CTNNA2: variants seen among roughly 807,000 people sequenced by gnomAD.
CTNNA2 encodes the protein catenin alpha-2.
A neutral mutation model predicts 101.0 loss-of-function variants in CTNNA2; 42 were observed. That is an observed-to-expected ratio of 0.42 (90% confidence interval 0.32 to 0.54). The LOEUF is 0.54. Ranked by LOEUF, CTNNA2 falls within the 20% of genes least tolerant of loss-of-function variation. The probability of loss-of-function intolerance (pLI) is 0.14; values close to 1 mark genes in which losing one functional copy is unlikely to be tolerated. For missense variants in CTNNA2, 871 were observed against 1,223.1 expected, an observed-to-expected ratio of 0.71 and a Z score of 4.29; for synonymous variants, 450 against 456.4, an observed-to-expected ratio of 0.99 and a Z score of 0.18.
intron 2 of CTNNA2, among the ~76,000 whole-genome samples, chr2:79,220,814 A>G (rs1169099051): frequency 6.6e-6 from 1 of 152,176 alleles, no homozygotes; most frequent in Admixed American, 6.5e-5. Flanking sequence ...TTAAAGCTTC[A>G]CCTGAGAGCT....
intron 3 of CTNNA2, chr2:79,312,931 C>G (rs539404473): frequency 2.6e-5 from 4 of 152,316 alleles, no homozygotes; most frequent in Admixed American, 6.5e-5. Flanking sequence ...CTGCTTAACG[C>G]CCCGTATACA....
chr2:79,621,642 G>A (rs1416738797), intron 1 of CTNNA2, among the ~76,000 whole-genome samples: 3 of 152,138 alleles, frequency 2.0e-5, no homozygotes, highest in East Asian at 1.9e-4. Flanking sequence ...CCCATGCAGA[G>A]TAATTTCAAA....
intron 7 of CTNNA2, among the ~76,000 whole-genome samples, chr2:80,094,088 T>C (rs1699981514): frequency 6.6e-6 from 1 of 152,262 alleles, no homozygotes. Context: ...CCCATGCCTA[T>C]GTTCTGAATG....
intron 2 of CTNNA2, among the ~76,000 whole-genome samples, chr2:79,211,335 A>T (rs1307246821): frequency 6.6e-6 from 1 of 152,192 alleles, no homozygotes; most frequent in African/African-American, 2.4e-5. Flanking sequence ...CAAGACAACA[A>T]GGGAAACTTT....
chr2:79,792,348 AAC>A (rs1477499328), intron 3 of CTNNA2, among the ~76,000 whole-genome samples: 2 of 152,186 alleles, frequency 1.3e-5, no homozygotes, highest in Admixed American at 6.5e-5. Flanking sequence ...ATCCATAAAA[AAC>A]AGTGTTTCTC....
intron 3 of CTNNA2, among the ~76,000 whole-genome samples, chr2:79,331,142 C>G (rs1486441956): frequency 6.6e-6 from 1 of 152,130 alleles, no homozygotes; most frequent in Non-Finnish European, 1.5e-5. Context: ...CACCATTCTG[C>G]CCTCTGCCTG....
chr2:79,947,232 G>A (rs891182423), intron 7 of CTNNA2, among the ~76,000 whole-genome samples: 14 of 152,086 alleles, frequency 9.2e-5, no homozygotes, highest in Admixed American at 6.5e-4. Context: ...TCCTTAATGA[G>A]CACATTTTTT....
chr2:80,204,524 C>A (rs1423798824), intron 7 of CTNNA2, among the ~76,000 whole-genome samples: 3 of 152,204 alleles, frequency 2.0e-5, no homozygotes, highest in East Asian at 3.9e-4. Flanking sequence ...GCTCCAGTTC[C>A]CAATAAGTTC....
At chr2:80,364,556 A>ATTTTT (rs57073635) in intron 7 of CTNNA2, among the ~76,000 whole-genome samples, 1,552 of 123,392 alleles carry the variant, frequency 0.013, 32 homozygotes, top group East Asian at 0.026. Context: ...AGAGAAAGTA[A>ATTTTT]TTTTTTTTTT....
chr2:79,775,344 A>G (rs994611009), intron 3 of CTNNA2, among the ~76,000 whole-genome samples: 3 of 152,232 alleles, frequency 2.0e-5, no homozygotes, highest in Non-Finnish European at 4.4e-5. Flanking sequence ...CTACCATTAT[A>G]TAATGATCTA....
chr2:80,221,741 C>T (rs1708587002), intron 7 of CTNNA2, among the ~76,000 whole-genome samples: 1 of 152,186 alleles, frequency 6.6e-6, no homozygotes, highest in Non-Finnish European at 1.5e-5. Context: ...GTCTTATAAA[C>T]TGCCTGAGCA....
chr2:79,706,751 G>C (rs1001993955), intron 2 of CTNNA2, among the ~76,000 whole-genome samples: 1 of 152,066 alleles, frequency 6.6e-6, no homozygotes, highest in African/African-American at 2.4e-5. Flanking sequence ...AGGCACCCAG[G>C]TCATAGATGC....
intron 8 of CTNNA2, among the ~76,000 whole-genome samples, chr2:80,406,282 C>T (rs1261348896): frequency 6.6e-6 from 1 of 150,810 alleles, no homozygotes; most frequent in Non-Finnish European, 1.5e-5. Flanking sequence ...TACAGTGAGT[C>T]GAGATCGCGC....
chr2:80,477,214 A>G (rs1685794858), intron 9 of CTNNA2, among the ~76,000 whole-genome samples: 1 of 152,170 alleles, frequency 6.6e-6, no homozygotes, highest in African/African-American at 2.4e-5. Flanking sequence ...GAAGCATACT[A>G]CGTAGGAGAA....
At chr2:79,248,689 A>C (rs17016639) in intron 2 of CTNNA2, among the ~76,000 whole-genome samples, 5,396 of 152,212 alleles carry the variant, frequency 0.035, 267 homozygotes, top group African/African-American at 0.11. Flanking sequence ...TATGTGAGTC[A>C]AGGTGTGCAT....
intron 2 of CTNNA2, among the ~76,000 whole-genome samples, chr2:79,290,142 T>A (rs1163086139): frequency 1.3e-5 from 2 of 152,146 alleles, no homozygotes; most frequent in Non-Finnish European, 2.9e-5. Context: ...GTTACTATAA[T>A]CCAGGCCCTG....
At chr2:79,962,718 C>T (rs1383367879) in intron 7 of CTNNA2, among the ~76,000 whole-genome samples, 1 of 152,128 alleles carries the variant, frequency 6.6e-6, no homozygotes, top group Non-Finnish European at 1.5e-5. Context: ...GATTGGAGCA[C>T]ATGTTGGTGC....
intron 7 of CTNNA2, among the ~76,000 whole-genome samples, chr2:80,211,949 G>C (rs574386583): frequency 6.6e-6 from 1 of 151,938 alleles, no homozygotes; most frequent in East Asian, 1.9e-4. Context: ...TGTAAGTTGG[G>C]TTCCTAAGTA....
chr2:80,369,189 C>G (rs1179138719), intron 7 of CTNNA2, among the ~76,000 whole-genome samples: 1 of 151,950 alleles, frequency 6.6e-6, no homozygotes, highest in African/African-American at 2.4e-5. Context: ...CTTTTTATAC[C>G]TATGCAAGTT....
Sources: allele counts gnomAD v4.1 joint callset (sites outside exome capture counted in the v4.1 genomes callset), GRCh38; gene constraint gnomAD v4.1.1; transcripts MANE v1.5; gene names NCBI Gene and HGNC (gene_info 2026-07-23, HGNC 2026-07-21).